Variants in ASPSCR1 observed in about 807,000 individuals in gnomAD.
ASPSCR1 encodes the protein ASPSCR1 tether for SLC2A4, UBX domain containing.
In ASPSCR1, 55 loss-of-function variants were observed where a neutral mutation model predicts 68.9. That is an observed-to-expected ratio of 0.80 (90% CI 0.64 to 1.00). ASPSCR1 has a LOEUF of 1.00. ASPSCR1 is among the 50% of genes least tolerant of loss of function. The pLI, the probability that ASPSCR1 is intolerant of heterozygous loss-of-function variation, is 0.00. For missense variants in ASPSCR1, 765 were observed against 762.2 expected, an observed-to-expected ratio of 1.00 and a Z score of -0.04; for synonymous variants, 352 against 332.6, an observed-to-expected ratio of 1.06 and a Z score of -0.63.
rs1444769336 is a variant in ASPSCR1, at chr17:81,990,847, C to G, written c.375-3974C>G. ...TTTCTCTCCATGGGTTTAGAGCCAGCAGGCACTAGCCCCAGGAGGTCATAC... is the reference window on the plus strand; with the variant it reads ...TTTCTCTCCATGGGTTTAGAGCCAGGAGGCACTAGCCCCAGGAGGTCATAC... On this transcript the variant is annotated intron_variant, in intron 4 of 15. Transcript: ENST00000306739. The surrounding 1 kb of genome is among the most constrained non-coding windows in gnomAD (Gnocchi z 4.1). 6.6e-6 allele frequency among the ~76,000 whole-genome samples: 1 copy of G among 152,160 alleles called. No individual in the cohort carries two copies. The highest frequency in any genetic ancestry group is 2.1e-4 in the South Asian group (1 of 4,832).
intron 12 of ASPSCR1, 48 bp downstream of exon 12, chr17:82,012,331 AGGGCAGGACGAGAGCGTGAGGCCTC>A (rs1238481807): frequency 6.3e-7 from 1 of 1,581,798 alleles, no homozygotes; most frequent in Non-Finnish European, 8.7e-7. Flanking sequence ...CCCTCCAGGG[AGGGCAGGACGAGAGCGTGAGGCCTC>A]GGGCAGGAAG....
chr17:81,993,924 CCCTCCT>C (rs2144035988), intron 4 of ASPSCR1, among the ~76,000 whole-genome samples: 1 of 152,322 alleles, frequency 6.6e-6, no homozygotes, highest in South Asian at 2.1e-4. Flanking sequence ...GCCATCTGCC[CCCTCCT>C]CTCGGATTCC....
chr17:81,982,400 T>C (rs1466147453), intron 2 of ASPSCR1, among the ~76,000 whole-genome samples: 2 of 152,270 alleles, frequency 1.3e-5, no homozygotes, highest in Non-Finnish European at 2.9e-5. Flanking sequence ...CCTCTGCTAA[T>C]GGTACCACTT....
chr17:82,009,859 C>T (rs974924474), intron 9 of ASPSCR1: 9 of 262,948 alleles, frequency 3.4e-5, no homozygotes, highest in East Asian at 8.3e-5. Flanking sequence ...CCCGTGGTGG[C>T]GCGCATGCCC....
chr17:81,984,887 C>CCA lies in ASPSCR1; in HGVS notation c.274-612_274-611dup, dbSNP rs1196508723. Reference sequence around the variant, plus strand: ...CTGCACACCCCCGCACACACACCCCCCACACACACCCACACACACCCCTAC... The same window carrying CCA: ...CTGCACACCCCCGCACACACACCCCCCACACACACACCCACACACACCCCTAC... On this transcript the variant is annotated intron_variant, in intron 3 of 15. Coordinates refer to ENST00000306739, the MANE Select transcript of ASPSCR1 (RefSeq NM_024083.4). 2.1e-3 allele frequency among the ~76,000 whole-genome samples: 239 copies of CCA among 116,152 alleles called. 2 individuals are homozygous for CCA. The highest frequency in any genetic ancestry group is 7.6e-3 in the African/African-American group (222 of 29,038). The allele number at this position is 116,152 out of a possible 152,430, so 76.2% of individuals were successfully genotyped here.
chr17:82,006,641 T>C (rs1345590113), intron 7 of ASPSCR1: 1 of 152,270 alleles, frequency 6.6e-6, no homozygotes, highest in Admixed American at 6.5e-5. Context: ...CCGTTTCTTT[T>C]CTCCTGGCAC....
At position 81,983,685 on chromosome 17, in the gene ASPSCR1, G is replaced by A. The variant is rs767828835; in HGVS notation, c.273+17G>A. On this transcript the variant is annotated intron_variant, in intron 3 of 15. Transcript: ENST00000306739. This position sits in a 1 kb window ranked among gnomAD's most constrained non-coding sequence, Gnocchi z 4.4. ...GAGAACATGGTGGGTCGTGCTCTGG[G>A]GGAGGCTGACTGTGTGGGGCACAGG... The A allele has an allele frequency of 5.0e-6, 8 of 1,589,872 alleles. No individual in the cohort carries two copies. The highest frequency in any genetic ancestry group is 1.7e-5 in the Admixed American group (1 of 58,076).
Position 82,009,081 on chromosome 17 carries a change from C to T in ASPSCR1, c.978C>T (p.His326=). 1 of 1,577,416 alleles carries T rather than the reference C, an allele frequency of 6.3e-7. No homozygotes were observed. The highest frequency in any genetic ancestry group is 1.3e-5 in the African/African-American group (1 of 74,244). Residue 326 remains histidine (H), a synonymous_variant, in exon 8 of 16, where the codon CAC becomes CAT. Transcript: ENST00000306739. The part of the protein sequence containing the change: ...EPVDREPVVC[H]PDLEERLQAW... ...TGGACCGGGAGCCGGTGGTGTGCCA[C>T]CCCGACCTGGAGGAGCGGCTGCAGG...
At chr17:81,981,731 T>G (rs1257135466) in intron 2 of ASPSCR1, among the ~76,000 whole-genome samples, 1 of 152,182 alleles carries the variant, frequency 6.6e-6, no homozygotes, top group African/African-American at 2.4e-5. Flanking sequence ...GGCAGTGGCA[T>G]GATCTCAGCT....
intron 12 of ASPSCR1, chr17:82,015,729 TG>T: frequency 3.4e-6 from 1 of 290,248 alleles, no homozygotes; most frequent in Non-Finnish European, 6.6e-6. Flanking sequence ...GCTCTCCATC[TG>T]GGAGAGGCTG....
intron 11 of ASPSCR1, 34 bp downstream of exon 11, chr17:82,011,639 C>CA: frequency 1.2e-6 from 2 of 1,600,252 alleles, no homozygotes; most frequent in Non-Finnish European, 1.7e-6. Context: ...CTCCTGCCTC[C>CA]AGTGCTCGGG....
chr17:81,981,440 G>A (rs1278318585), intron 2 of ASPSCR1, among the ~76,000 whole-genome samples: 5 of 152,142 alleles, frequency 3.3e-5, no homozygotes, highest in East Asian at 1.9e-4. Flanking sequence ...GTACAGTGGC[G>A]CTATCTCGGC....
Position 82,009,503 on chromosome 17 carries a change from C to G in ASPSCR1, c.1106C>G (p.Ala369Gly), listed in dbSNP as rs774585037. 3.2e-6 allele frequency: 5 copies of G among 1,582,826 alleles called. No homozygotes were observed. The Middle Eastern group carries it at 5.0e-4, about 159-fold the overall frequency. Residue 369 changes from alanine to glycine, a missense_variant, in exon 9 of 16, where the codon GCC (alanine) becomes GGC (glycine). Coordinates refer to ENST00000306739, the MANE Select transcript of ASPSCR1 (RefSeq NM_024083.4). ...LKSERKRLEE[A>G]PLVTKAFREA... ...CACCACAGGAAGCGCCTGGAAGAAG[C>G]CCCCTTGGTGACCAAGGCCTTCAGG... is the stretch of plus-strand genomic sequence containing the variant.
In ASPSCR1 at chr17:81,999,552, G is replaced by A. The variant is rs1316153236; in HGVS notation, c.933+2706G>A. On this transcript the variant is annotated intron_variant, in intron 7 of 15. Coordinates refer to ENST00000306739, the MANE Select transcript of ASPSCR1 (RefSeq NM_024083.4). This position sits in a 1 kb window ranked among gnomAD's most constrained non-coding sequence, Gnocchi z 4.4. ...TGAGGCAGGAGAATCTCTTGAACCC[G>A]GGAGGCGGAGGTTGCAGTGAGCCGA... 6.6e-6 allele frequency among the ~76,000 whole-genome samples: 1 copy of A among 151,918 alleles called. No homozygotes were observed. Among genetic ancestry groups the A allele is most frequent in the Non-Finnish European group, 1.5e-5 (1 of 67,962 alleles).
rs1266619742 is a variant in ASPSCR1 at position 81,987,955 on chromosome 17, C to T, written c.374+2348C>T. On this transcript the variant is annotated intron_variant, in intron 4 of 15. Coordinates refer to ENST00000306739, the MANE Select transcript of ASPSCR1 (RefSeq NM_024083.4). This position sits in a 1 kb window ranked among gnomAD's most constrained non-coding sequence, Gnocchi z 5.6. ...CGGGTGGATCACGAGGTCAGGAGTT[C>T]GAGACCAGCCTGGCCAATATGGTGA... is the stretch of plus-strand genomic sequence containing the variant. Among the ~76,000 whole-genome samples the T allele has an allele frequency of 9.9e-5, 15 of 151,952 alleles. No individual in the cohort carries two copies. The highest frequency in any genetic ancestry group is 5.8e-4 in the East Asian group (3 of 5,158).
At chr17:82,000,286 C>T (rs975341452) in intron 7 of ASPSCR1, among the ~76,000 whole-genome samples, 2 of 152,236 alleles carry the variant, frequency 1.3e-5, no homozygotes, top group Non-Finnish European at 2.9e-5. Context: ...GTAGTGCCCG[C>T]CCGTGCTCGC....
At chr17:82,014,788 A>G (rs575124467) in intron 12 of ASPSCR1, 69 of 504,602 alleles carry the variant, frequency 1.4e-4, no homozygotes, top group African/African-American at 1.2e-3. Context: ...TCTTCCTGGC[A>G]ACACTGAGTG....
Position 81,996,794 on chromosome 17 carries a change from A to C in ASPSCR1, c.881A>C (p.Glu294Ala). The stretch of plus-strand genomic sequence containing the variant: ...AAGTCGGGCCAGGATCCCCAGCAGG[A>C]GCAGGAGCAGGAGCGGGAGCGGGAT... ...KSKSGQDPQQ[E>A]QEQERERDPQ... Residue 294 changes from glutamate (E) to alanine (A), a missense_variant, in exon 7 of 16, where the codon GAG becomes GCG. Transcript: ENST00000306739. 1 of 1,609,470 alleles carries C rather than the reference A, an allele frequency of 6.2e-7. No homozygotes were observed. Among genetic ancestry groups the C allele is most frequent in the Non-Finnish European group, 8.5e-7 (1 of 1,178,788 alleles).
At position 82,009,584 on chromosome 17, in the gene ASPSCR1, T is replaced by TG. The variant is rs1400137776; in HGVS notation, c.1170+22dup. The TG allele has an allele frequency of 6.4e-7, 1 of 1,552,412 alleles. No individual in the cohort carries two copies. The highest frequency in any genetic ancestry group is 1.2e-5 in the South Asian group (1 of 85,362). The stretch of plus-strand genomic sequence containing the variant: ...TACCCAAAGGTCTGCAGACAGGATG[T>TG]GGGGGCGACTGAGGCACAGCTCTGA... On this transcript the variant is annotated intron_variant, in intron 9 of 15. Transcript: ENST00000306739.
Sources: allele counts gnomAD v4.1 joint callset (sites outside exome capture counted in the v4.1 genomes callset), GRCh38; gene constraint gnomAD v4.1.1; non-coding constraint Gnocchi (gnomAD v3.1); transcripts MANE v1.5; gene names NCBI Gene and HGNC (gene_info 2026-07-23, HGNC 2026-07-21).